CDH18: variants seen among roughly 807,000 people sequenced by gnomAD.
CDH18 encodes the protein cadherin 18, also known as cadherin-18.
A neutral mutation model predicts 67.9 loss-of-function variants in CDH18; 31 were observed. That is an observed-to-expected ratio of 0.46 (90% CI 0.34 to 0.62). The LOEUF is 0.62. Among genes scored for constraint, CDH18 ranks in the 20% least tolerant of loss-of-function variants. The pLI, the probability that CDH18 is intolerant of heterozygous loss-of-function variation, is 0.01. For synonymous variants in CDH18, 362 were observed against 347.2 expected (o/e 1.04, Z -0.48); for missense variants, 890 against 975.5 (o/e 0.91, Z 1.17).
intron 2 of CDH18, among the ~76,000 whole-genome samples, chr5:20,245,224 T>C (rs1398311528): frequency 6.6e-6 from 1 of 152,140 alleles, no homozygotes. Context: ...TCTGAAATAA[T>C]GTTGAAAAAG....
At chr5:19,817,952 T>C (rs1779466962) in intron 3 of CDH18, among the ~76,000 whole-genome samples, 1 of 152,186 alleles carries the variant, frequency 6.6e-6, no homozygotes, top group South Asian at 2.1e-4. Context: ...ATGTTATTTA[T>C]GGACTCTAAA....
At chr5:20,341,312 A>C (rs1258992201) in intron 1 of CDH18, among the ~76,000 whole-genome samples, 1 of 152,032 alleles carries the variant, frequency 6.6e-6, no homozygotes, top group Non-Finnish European at 1.5e-5. Flanking sequence ...GAAAAACGTA[A>C]AGAGATGAGA....
chr5:19,710,464 T>A (rs887196966), intron 5 of CDH18, among the ~76,000 whole-genome samples: 3 of 152,164 alleles, frequency 2.0e-5, no homozygotes, highest in African/African-American at 4.8e-5. Flanking sequence ...TAAAACATGT[T>A]GTTTTCGTTT....
At chr5:20,415,703 G>A (rs1292271312) in intron 1 of CDH18, among the ~76,000 whole-genome samples, 1 of 152,066 alleles carries the variant, frequency 6.6e-6, no homozygotes, top group Non-Finnish European at 1.5e-5. Context: ...AACTTGGGAG[G>A]CGGAAGTTGC....
chr5:20,294,055 G>A (rs138817943), intron 1 of CDH18, among the ~76,000 whole-genome samples: 1 of 152,086 alleles, frequency 6.6e-6, no homozygotes, highest in Non-Finnish European at 1.5e-5. Context: ...ATAATAGAAT[G>A]GATGATTTAT....
Position 19,473,206 on chromosome 5 carries a change from A to C in CDH18, c.*20T>G. On this transcript the variant is annotated 3_prime_UTR_variant, in exon 13 of 13. Transcript: ENST00000382275. ...ACTTACTCAGGAAGCAAATTCCACA[A>C]GGTTGCAAGAACTGACCCCCTAAGT... 1 of 1,605,576 alleles carries C rather than the reference A, an allele frequency of 6.2e-7. No individual in the cohort carries two copies. Among genetic ancestry groups the C allele is most frequent in the Non-Finnish European group, 8.5e-7 (1 of 1,174,662 alleles).
At chr5:19,705,416 A>C (rs1482454736) in intron 5 of CDH18, among the ~76,000 whole-genome samples, 3 of 152,160 alleles carry the variant, frequency 2.0e-5, no homozygotes, top group East Asian at 1.9e-4. Context: ...TGCCCTAGGC[A>C]TTCCTACCTA....
chr5:20,226,871 G>T (rs1741673345), intron 2 of CDH18, among the ~76,000 whole-genome samples: 1 of 151,860 alleles, frequency 6.6e-6, no homozygotes, highest in Non-Finnish European at 1.5e-5. Flanking sequence ...ACACCTATTT[G>T]CTCCTTCCTT....
intron 3 of CDH18, among the ~76,000 whole-genome samples, chr5:19,812,852 C>A (rs1395923506): frequency 1.3e-5 from 2 of 152,048 alleles, no homozygotes; most frequent in Non-Finnish European, 2.9e-5. Flanking sequence ...ATGTTTATTG[C>A]AGCACTATTC....
chr5:20,109,400 G>A lies in CDH18; in HGVS notation c.-517-117386C>T, dbSNP rs111495751. Among the ~76,000 whole-genome samples the A allele has an allele frequency of 2.2e-3, 342 of 152,302 alleles. 1 individual carries two copies. The highest frequency in any genetic ancestry group is 7.6e-3 in the African/African-American group (318 of 41,572). Reference sequence around the variant, plus strand: ...TCTCAGCTCTAGCAGGCACACTGACGAGAACAGCAAAGACTGAAGGATAAA... The same window carrying A: ...TCTCAGCTCTAGCAGGCACACTGACAAGAACAGCAAAGACTGAAGGATAAA... On this transcript the variant is annotated intron_variant, in intron 2 of 14. Coordinates refer to the CDH18 transcript ENST00000507958.
chr5:19,936,627 A>AG (rs1335236116), intron 2 of CDH18, among the ~76,000 whole-genome samples: 1 of 151,126 alleles, frequency 6.6e-6, no homozygotes, highest in Non-Finnish European at 1.5e-5. Flanking sequence ...TTTTCTTTAA[A>AG]GAAAAAAAAT....
At chr5:20,296,230 G>GT (rs1014845529) in intron 1 of CDH18, among the ~76,000 whole-genome samples, 48 of 145,430 alleles carry the variant, frequency 3.3e-4, no homozygotes, top group Non-Finnish European at 5.0e-4. Context: ...TTCCACTAAG[G>GT]TTTTTTTTTG....
At chr5:19,796,050 G>C (rs1433150102) in intron 3 of CDH18, among the ~76,000 whole-genome samples, 2 of 151,954 alleles carry the variant, frequency 1.3e-5, no homozygotes, top group African/African-American at 2.4e-5. Context: ...GCAAAACAGA[G>C]AGAAAAACTG....
At chr5:19,758,965 C>A (rs2149696701) in intron 3 of CDH18, among the ~76,000 whole-genome samples, 2 of 152,320 alleles carry the variant, frequency 1.3e-5, no homozygotes, top group East Asian at 1.9e-4. Flanking sequence ...GATTATGACA[C>A]AAAACCAGAG....
intron 2 of CDH18, among the ~76,000 whole-genome samples, chr5:20,022,341 G>A (rs1012394256): frequency 2.0e-5 from 3 of 152,194 alleles, no homozygotes; most frequent in African/African-American, 7.2e-5. Context: ...TAAGGATTAT[G>A]AAATACATTG....
chr5:20,241,894 A>ATGTATG (rs754188567), intron 2 of CDH18, among the ~76,000 whole-genome samples: 6 of 141,294 alleles, frequency 4.2e-5, no homozygotes, highest in African/African-American at 1.7e-4. Context: ...ATATATATGT[A>ATGTATG]TATATATATA....
rs547416557 is a variant in CDH18, at chr5:19,707,928, C to CA, written c.643+13418dup. On this transcript the variant is annotated intron_variant, in intron 5 of 12. Transcript: ENST00000382275. ...GAATTGCCCTTCTCCATCTGCATGC[C>CA]ATGGCCACACTACGTTCAGCTGGTC... 2.0e-4 allele frequency among the ~76,000 whole-genome samples: 31 copies of CA among 152,296 alleles called. No homozygotes were observed. In the South Asian group the frequency reaches 6.4e-3, roughly 32 times the overall value.
chr5:20,111,632 C>T (rs1398476840), intron 2 of CDH18, among the ~76,000 whole-genome samples: 1 of 150,424 alleles, frequency 6.6e-6, no homozygotes, highest in Non-Finnish European at 1.5e-5. Context: ...GCAACCTCCA[C>T]CTCCCTGGTT....
At chr5:20,167,218 C>T (rs552332419) in intron 2 of CDH18, among the ~76,000 whole-genome samples, 2 of 152,160 alleles carry the variant, frequency 1.3e-5, no homozygotes, top group Admixed American at 1.3e-4. Flanking sequence ...GAGGGAGACA[C>T]TGTATTTTTG....
Sources: gnomAD v4.1 joint callset for allele counts (sites outside exome capture counted in the v4.1 genomes callset) on GRCh38, gnomAD v4.1.1 for gene constraint, MANE v1.5 for transcripts, NCBI Gene and HGNC (gene_info 2026-07-23, HGNC 2026-07-21) for gene names.